CSMD1: variants seen among roughly 807,000 people sequenced by gnomAD.
CSMD1 encodes CUB and Sushi multiple domains 1, also known as CUB and sushi domain-containing protein 1.
In CSMD1, 213 loss-of-function variants were observed where a neutral mutation model predicts 417.5. That is an observed-to-expected ratio of 0.51 (90% CI 0.46 to 0.57). The LOEUF is 0.57. Among genes scored for constraint, CSMD1 ranks in the 20% least tolerant of loss-of-function variants. CSMD1 has a pLI of 0.00. For synonymous variants in CSMD1, 2,862 were observed against 1,736.8 expected, an observed-to-expected ratio of 1.65 and a Z score of -16.11; for missense variants, 6,923 against 4,529.7, an observed-to-expected ratio of 1.53 and a Z score of -15.17.
At chr8:4,437,730 G>C (rs1271652991) in intron 2 of CSMD1, among the ~76,000 whole-genome samples, 3 of 152,060 alleles carry the variant, frequency 2.0e-5, no homozygotes, top group African/African-American at 7.2e-5. Flanking sequence ...TACTTGCTTA[G>C]GCTGCCAATG....
intron 3 of CSMD1, among the ~76,000 whole-genome samples, chr8:4,167,601 G>GA (rs1396097194): frequency 6.6e-6 from 1 of 152,102 alleles, no homozygotes; most frequent in South Asian, 2.1e-4. Flanking sequence ...GCAAATGGCA[G>GA]AAAAAAGGAT....
intron 5 of CSMD1, among the ~76,000 whole-genome samples, chr8:3,907,784 C>T (rs909796357): frequency 2.0e-5 from 3 of 152,176 alleles, no homozygotes; most frequent in Admixed American, 2.0e-4. Context: ...CTTAGAATCA[C>T]CCGCTGCTCG....
At chr8:3,785,249 A>G (rs1486999085) in intron 5 of CSMD1, among the ~76,000 whole-genome samples, 1 of 152,248 alleles carries the variant, frequency 6.6e-6, no homozygotes, top group Non-Finnish European at 1.5e-5. Flanking sequence ...AATGCTCAGA[A>G]GAGTGTCTGT....
intron 5 of CSMD1, among the ~76,000 whole-genome samples, chr8:3,988,317 G>A (rs1330315169): frequency 6.6e-6 from 1 of 152,206 alleles, no homozygotes; most frequent in African/African-American, 2.4e-5. Context: ...AGACAAAAGA[G>A]CTTGCATCAA....
intron 2 of CSMD1, among the ~76,000 whole-genome samples, chr8:4,420,704 G>C (rs1047410285): frequency 2.6e-5 from 4 of 152,118 alleles, no homozygotes; most frequent in African/African-American, 7.2e-5. Flanking sequence ...GGTCAGGATA[G>C]CAAAGGCCCC....
At chr8:4,743,362 A>G (rs563062416) in intron 1 of CSMD1, among the ~76,000 whole-genome samples, 1 of 152,182 alleles carries the variant, frequency 6.6e-6, no homozygotes, top group South Asian at 2.1e-4. Context: ...CCCAACAAAA[A>G]ACGTTCACAG....
intron 25 of CSMD1, among the ~76,000 whole-genome samples, chr8:3,292,118 T>G (rs1803624713): frequency 1.3e-5 from 2 of 152,232 alleles, no homozygotes; most frequent in Non-Finnish European, 2.9e-5. Context: ...TTGTTCAGTT[T>G]CCATATAGTT....
intron 3 of CSMD1, among the ~76,000 whole-genome samples, chr8:4,314,951 T>C (rs1433866128): frequency 6.6e-6 from 1 of 152,172 alleles, no homozygotes. Context: ...GTTGACATTC[T>C]ACATGGTGGG....
At chr8:3,965,331 T>C (rs927295345) in intron 5 of CSMD1, among the ~76,000 whole-genome samples, 1 of 152,188 alleles carries the variant, frequency 6.6e-6, no homozygotes, top group Non-Finnish European at 1.5e-5. Context: ...GATAATGTTC[T>C]TTGATGCTTA....
intron 3 of CSMD1, among the ~76,000 whole-genome samples, chr8:4,116,141 G>A (rs190608870): frequency 9.7e-4 from 148 of 151,932 alleles, no homozygotes; most frequent in African/African-American, 3.0e-3. Flanking sequence ...TTACAGGCGC[G>A]TACCACCGCA....
intron 49 of CSMD1, among the ~76,000 whole-genome samples, chr8:3,084,088 G>T (rs1814341356): frequency 1.3e-5 from 2 of 152,126 alleles, no homozygotes. Context: ...TGAGTGGATG[G>T]GAGAAGGTTT....
At chr8:4,947,417 G>GT (rs34965012) in intron 1 of CSMD1, among the ~76,000 whole-genome samples, 48,359 of 151,850 alleles carry the variant, frequency 0.32, 8,752 homozygotes, top group Non-Finnish European at 0.42. Flanking sequence ...AGAATTACCA[G>GT]TTTTTTTCTC....
intron 3 of CSMD1, among the ~76,000 whole-genome samples, chr8:4,197,795 CTT>C (rs1799425109): frequency 6.6e-6 from 1 of 152,202 alleles, no homozygotes; most frequent in Admixed American, 6.5e-5. Context: ...GGGAGGATTG[CTT>C]GAACCCAGGA....
chr8:4,731,197 G>C (rs1027853226), intron 1 of CSMD1, among the ~76,000 whole-genome samples: 1 of 152,120 alleles, frequency 6.6e-6, no homozygotes, highest in African/African-American at 2.4e-5. Flanking sequence ...TTCCACTACT[G>C]TTTGGAAGCG....
chr8:3,308,666 G>A (rs1328611792), intron 23 of CSMD1, among the ~76,000 whole-genome samples, 163 bp from the exon 24 acceptor site: 1 of 151,142 alleles, frequency 6.6e-6, no homozygotes, highest in Non-Finnish European at 1.5e-5. Context: ...CTGTACTGGG[G>A]CTATTTGTTA....
rs191654089 is a variant in CSMD1, at chr8:4,107,045, G to A, written c.416-74946C>T. ...TATGAGAGCTGCCACATATCACGCG[G>A]CACATCTCCAAGCAGGCATCCATGT... On this transcript the variant is annotated intron_variant, in intron 3 of 69. Transcript: ENST00000635120. Among the ~76,000 whole-genome samples the A allele has an allele frequency of 5.6e-4, 86 of 152,216 alleles. No individual in the cohort carries two copies. The East Asian group carries it at 0.014, about 24-fold the overall frequency.
intron 2 of CSMD1, among the ~76,000 whole-genome samples, chr8:4,483,925 C>G (rs1801233779): frequency 6.6e-6 from 1 of 152,132 alleles, no homozygotes; most frequent in South Asian, 2.1e-4. Context: ...CATCATGGCT[C>G]ACTTTGTTGT....
At chr8:3,292,691 C>G (rs1364024711) in intron 25 of CSMD1, among the ~76,000 whole-genome samples, 1 of 152,144 alleles carries the variant, frequency 6.6e-6, no homozygotes, top group Non-Finnish European at 1.5e-5. Context: ...AGATCTTCCT[C>G]CATCCTTTTA....
chr8:4,234,249 G>C (rs771309698), intron 3 of CSMD1, among the ~76,000 whole-genome samples: 4 of 152,302 alleles, frequency 2.6e-5, no homozygotes, highest in South Asian at 2.1e-4. Flanking sequence ...TAAAGCAGGA[G>C]GTTGTGAATG....
Sources: gnomAD v4.1 joint callset for allele counts (sites outside exome capture counted in the v4.1 genomes callset) on GRCh38, gnomAD v4.1.1 for gene constraint, MANE v1.5 for transcripts, NCBI Gene and HGNC (gene_info 2026-07-23, HGNC 2026-07-21) for gene names.